Variants in UGT3A1 observed in about 807,000 individuals in gnomAD.
UGT3A1 encodes UDP-glycosyltransferase 3A1.
A neutral mutation model predicts 37.6 loss-of-function variants in UGT3A1; 40 were observed. The observed-to-expected ratio is 1.06, with a 90% CI of 0.83 to 1.38. The LOEUF (loss-of-function observed/expected upper bound fraction) is 1.38, where lower values mean the gene tolerates loss of function less well. UGT3A1 is among the 40% of genes most tolerant of loss of function. UGT3A1 has a pLI of 0.00. For missense variants in UGT3A1, 642 were observed against 634.2 expected (o/e 1.01, Z -0.13); for synonymous variants, 256 against 232.3 (o/e 1.10, Z -0.93).
At chr5:35,990,369 G>A (rs1251893301) in intron 1 of UGT3A1, among the ~76,000 whole-genome samples, 2 of 151,998 alleles carry the variant, frequency 1.3e-5, no homozygotes, top group Non-Finnish European at 2.9e-5. Flanking sequence ...GCCCACTACG[G>A]ATTAAAATAA....
chr5:35,972,494 CGTGT>C (rs4024103), intron 2 of UGT3A1, among the ~76,000 whole-genome samples: 13,908 of 141,302 alleles, frequency 0.098, 658 homozygotes, highest in African/African-American at 0.1. Context: ...CCTTGAAATA[CGTGT>C]GTGTGTGTGT....
intron 2 of UGT3A1, among the ~76,000 whole-genome samples, chr5:35,982,054 TGTG>T (rs1740545146): frequency 6.6e-6 from 1 of 152,260 alleles, no homozygotes; most frequent in Non-Finnish European, 1.5e-5. Flanking sequence ...GGCCTACACA[TGTG>T]CAGAAGGCAA....
At chr5:35,973,532 A>G (rs1204270660) in intron 2 of UGT3A1, among the ~76,000 whole-genome samples, 1 of 152,222 alleles carries the variant, frequency 6.6e-6, no homozygotes, top group Non-Finnish European at 1.5e-5. Flanking sequence ...AAATAAAAAT[A>G]TAATACCAGA....
intron 2 of UGT3A1, among the ~76,000 whole-genome samples, chr5:35,978,186 C>T (rs964886088): frequency 6.6e-6 from 1 of 152,118 alleles, no homozygotes; most frequent in Non-Finnish European, 1.5e-5. Flanking sequence ...AGGTGCACAC[C>T]TCCAGGCCTG....
At chr5:35,988,798 G>A (rs115771000) in intron 1 of UGT3A1, among the ~76,000 whole-genome samples, 4 of 152,110 alleles carry the variant, frequency 2.6e-5, no homozygotes, top group Non-Finnish European at 5.9e-5. Flanking sequence ...AAAGATTTCC[G>A]CTTGTGGCTC....
intron 4 of UGT3A1, chr5:35,961,376 C>T (rs1452272814): frequency 1.3e-5 from 2 of 152,292 alleles, no homozygotes; most frequent in African/African-American, 4.8e-5. Flanking sequence ...GTTTGATGGC[C>T]TCTAAGTGAG....
chr5:35,967,634 T>C (rs1189250412), intron 3 of UGT3A1, among the ~76,000 whole-genome samples: 1 of 151,924 alleles, frequency 6.6e-6, no homozygotes, highest in Non-Finnish European at 1.5e-5. Context: ...AACAAAAGAG[T>C]TGAAGATCCT....
In UGT3A1 at chr5:35,953,378, T is replaced by C. The variant is rs1402354616; in HGVS notation, c.*824A>G. ...TTTACGCCATGGTTTTTCTTGCTTC[T>C]GTTCCTAGCAGATTAAGGTAATCTC... On this transcript the variant is annotated 3_prime_UTR_variant, in exon 7 of 7. Transcript: ENST00000274278. 1.3e-5 allele frequency: 2 copies of C among 152,370 alleles called. No homozygotes were observed. The highest frequency in any genetic ancestry group is 4.8e-5 in the African/African-American group (2 of 41,470). The allele number at this position is 152,370 out of a possible 1,614,324, so 9.4% of individuals were successfully genotyped here. A position where few individuals can be genotyped will look rare whatever the true frequency, so the allele number is the denominator to read the frequency against.
chr5:35,988,646 A>G, intron 1 of UGT3A1, 95 bp from the exon 2 acceptor site: 1 of 927,324 alleles, frequency 1.1e-6, no homozygotes. Flanking sequence ...TTCAGCAGAA[A>G]AAGCATAGGG....
chr5:35,972,495 G>A (rs1005297173), intron 2 of UGT3A1, among the ~76,000 whole-genome samples: 14 of 4,854 alleles, frequency 2.9e-3, no homozygotes, highest in Admixed American at 0.018. Context: ...CTTGAAATAC[G>A]TGTGTGTGTG....
At chr5:35,962,738 C>A (rs1456718401) in intron 4 of UGT3A1, 10 of 605,878 alleles carry the variant, frequency 1.7e-5, no homozygotes, top group South Asian at 9.8e-5. Context: ...TGAGACCAAG[C>A]CAGTCCTTCA....
chr5:35,990,144 G>T (rs572481096), intron 1 of UGT3A1, among the ~76,000 whole-genome samples: 1 of 152,152 alleles, frequency 6.6e-6, no homozygotes, highest in Non-Finnish European at 1.5e-5. Context: ...CATCAGAGCG[G>T]AAGTTGTGGT....
At chr5:35,991,039 G>C (rs1740926555) in intron 1 of UGT3A1, 108 bp downstream of exon 1, 14 of 1,608,562 alleles carry the variant, frequency 8.7e-6, no homozygotes, top group Non-Finnish European at 1.1e-5. Context: ...CGCAAGCCCA[G>C]CCTGGAAAAT....
Position 35,955,628 on chromosome 5 carries a change from C to T in UGT3A1, c.1295+17G>A. ...TTCATTCAGCCTTAGTGACCACATG[C>T]TTAGAGAGCCACATACCTCTTGTCT... is the stretch of plus-strand genomic sequence containing the variant. On this transcript the variant is annotated intron_variant, in intron 6 of 6. Coordinates refer to ENST00000274278, the MANE Select transcript of UGT3A1 (RefSeq NM_152404.4). The T allele has an allele frequency of 6.2e-7, 1 of 1,614,046 alleles. No individual in the cohort carries two copies. The highest frequency in any genetic ancestry group is 8.5e-7 in the Non-Finnish European group (1 of 1,179,898).
intron 1 of UGT3A1, among the ~76,000 whole-genome samples, chr5:35,998,753 C>T (rs1741151649): frequency 6.6e-6 from 1 of 152,120 alleles, no homozygotes; most frequent in East Asian, 1.9e-4. Flanking sequence ...TAATTGAAGC[C>T]GGTCCTCTTC....
intron 4 of UGT3A1, chr5:35,962,696 G>A: frequency 1.7e-6 from 1 of 571,688 alleles, no homozygotes; most frequent in Admixed American, 3.1e-5. Context: ...ATGTCCAGCT[G>A]CCAGATGGTA....
At position 35,991,213 on chromosome 5, in the gene UGT3A1, C is replaced by G; in HGVS notation, c.28G>C (p.Val10Leu). Residue 10 changes from valine to leucine, a missense_variant, in exon 1 of 7, where the codon GTG becomes CTG. By Grantham distance (32) the Val-to-Leu change is conservative. Transcript: ENST00000274278. ...AGGACCCCAGAAAGAAGGAAGGCCA[C>G]TAGAAGCAGCACCCGCTGCCCAACC... MVGQRVLLL[V>L]AFLLSGVLLS... 2 of 1,614,264 alleles carry G rather than the reference C, an allele frequency of 1.2e-6. No individual in the cohort carries two copies. Among genetic ancestry groups the G allele is most frequent in the Non-Finnish European group, 1.7e-6 (2 of 1,180,046 alleles).
rs1739323368 is a variant in UGT3A1 at position 35,955,675 on chromosome 5, A to T, written c.1265T>A (p.Leu422His). The change falls in exon 6 of 7, where the codon CTT becomes CAT. Residue 422 changes from leucine (L) to histidine (H), a missense_variant. Leu to His is a moderately conservative substitution (Grantham distance 99, BLOSUM62 -3). Transcript: ENST00000274278. ...GTCTTCTATGACTTGTTTCATTGTAAGTGTCAGTGTGTCGGCTGTGACCTG... is the reference window on the plus strand; with the variant it reads ...GTCTTCTATGACTTGTTTCATTGTATGTGTCAGTGTGTCGGCTGTGACCTG... ...LNQVTADTLT[L>H]TMKQVIEDKR... 11 of 1,614,188 alleles carry T rather than the reference A, an allele frequency of 6.8e-6. No homozygotes were observed. The highest frequency in any genetic ancestry group is 1.6e-4 in the Middle Eastern group (1 of 6,062).
At chr5:35,991,071 T>G (rs1442726347) in intron 1 of UGT3A1, 76 bp downstream of exon 1, 23 of 1,613,634 alleles carry the variant, frequency 1.4e-5, no homozygotes, top group Non-Finnish European at 1.9e-5. Context: ...CTCTGATCAA[T>G]CGCCGTTCGC....
Sources: allele counts gnomAD v4.1 joint callset (sites outside exome capture counted in the v4.1 genomes callset), GRCh38; gene constraint gnomAD v4.1.1; transcripts MANE v1.5; gene names NCBI Gene and HGNC (gene_info 2026-07-23, HGNC 2026-07-21).